The following KCTD2 variants were observed in gnomAD, a reference collection of about 807,000 sequenced individuals.
KCTD2 encodes potassium channel tetramerization domain containing 2.
A neutral mutation model predicts 27.9 loss-of-function variants in KCTD2; 18 were observed. The observed-to-expected ratio is 0.64, with a 90% CI of 0.45 to 0.96. The LOEUF (loss-of-function observed/expected upper bound fraction) is 0.96, where lower values mean the gene tolerates loss of function less well. Among genes scored for constraint, KCTD2 ranks in the 40% least tolerant of loss-of-function variants. The pLI is 0.00. For synonymous variants in KCTD2, 175 were observed against 148.4 expected, an observed-to-expected ratio of 1.18 and a Z score of -1.30; for missense variants, 280 against 348.0, an observed-to-expected ratio of 0.80 and a Z score of 1.56.
intron 3 of KCTD2, among the ~76,000 whole-genome samples, chr17:75,055,811 A>C (rs1028766331): frequency 2.6e-5 from 4 of 151,820 alleles, no homozygotes; most frequent in African/African-American, 9.7e-5. Context: ...CAGCCTGGGC[A>C]ACAGGAGCGA....
chr17:75,050,648 T>G (rs1482177896), intron 2 of KCTD2, among the ~76,000 whole-genome samples: 1 of 152,230 alleles, frequency 6.6e-6, no homozygotes, highest in East Asian at 1.9e-4. Flanking sequence ...TTATCCTTTG[T>G]GATACAAAAA....
chr17:75,033,230 A>T (rs1182350588), intron 1 of KCTD2: 1 of 151,994 alleles, frequency 6.6e-6, no homozygotes, highest in African/African-American at 2.4e-5. Flanking sequence ...CACCCTCCCA[A>T]AGTGCTGGGA....
intron 3 of KCTD2, among the ~76,000 whole-genome samples, chr17:75,056,938 T>TTTTTTTC (rs1346068940): frequency 2.1e-5 from 3 of 145,930 alleles, no homozygotes; most frequent in African/African-American, 5.1e-5. Flanking sequence ...TCTGTTTCTT[T>TTTTTTTC]TTTTTTCTTT....
rs1203640937 is a variant in KCTD2, at chr17:75,047,386, C to T, written c.136C>T (p.Arg46Cys). The change falls in exon 1 of 6, where the codon CGC becomes TGC. Residue 46 changes from arginine (R) to cysteine (C), a missense_variant. By Grantham distance (180) the Arg-to-Cys change is radical. Coordinates refer to ENST00000322444, the MANE Select transcript of KCTD2 (RefSeq NM_015353.3). Reference protein sequence around the residue: ...PAGPTPRGHGRPAAAVAQPLE... With the variant: ...PAGPTPRGHGCPAAAVAQPLE... ...TGGCCCCACGCCCCGCGGGCACGGC[C>T]GCCCGGCTGCCGCCGTCGCGCAGCC... The T allele has an allele frequency of 1.8e-6, 2 of 1,140,600 alleles. No individual in the cohort carries two copies. The highest frequency in any genetic ancestry group is 2.1e-6 in the Non-Finnish European group (2 of 930,818). The allele number at this position is 1,140,600 out of a possible 1,614,324, so 70.7% of individuals were successfully genotyped here.
In KCTD2 at chr17:75,059,623, G is replaced by A. The variant is rs1244626860; in HGVS notation, c.636+18G>A. On this transcript the variant is annotated intron_variant, in intron 4 of 5. Coordinates refer to ENST00000322444, the MANE Select transcript of KCTD2 (RefSeq NM_015353.3). The stretch of plus-strand genomic sequence containing the variant: ...TCGAACAGGTACATCTCTTAACAGA[G>A]CAGCAATCCCAGGCCCCGTTCAAGG... 1.3e-6 allele frequency: 2 copies of A among 1,598,548 alleles called. No individual in the cohort carries two copies. The highest frequency in any genetic ancestry group is 1.7e-4 in the Middle Eastern group (1 of 6,010).
At position 75,065,388 on chromosome 17, in the gene KCTD2, C is replaced by T. The variant is rs879608754; in HGVS notation, c.*2341C>T. The stretch of plus-strand genomic sequence containing the variant: ...TGTGCCCTCTGAGTGTCTGGCTGAT[C>T]ACATCAGAGAGGTCTGCGTGGCAGT... On this transcript the variant is annotated 3_prime_UTR_variant, in exon 6 of 6. Transcript: ENST00000322444. 2 of 152,174 alleles carry T rather than the reference C, an allele frequency of 1.3e-5. No homozygotes were observed. The highest frequency in any genetic ancestry group is 2.9e-5 in the Non-Finnish European group (2 of 68,038). The allele number at this position is 152,174 out of a possible 1,614,324, so 9.4% of individuals were successfully genotyped here.
At chr17:75,050,057 G>A (rs552572731) in intron 2 of KCTD2, among the ~76,000 whole-genome samples, 154 of 152,318 alleles carry the variant, frequency 1.0e-3, no homozygotes, top group African/African-American at 3.6e-3. Flanking sequence ...GTTTCAGCTA[G>A]TAGAAAGAGG....
intron 3 of KCTD2, among the ~76,000 whole-genome samples, chr17:75,053,424 T>C (rs1481907556): frequency 6.6e-6 from 1 of 151,714 alleles, no homozygotes; most frequent in African/African-American, 2.4e-5. Flanking sequence ...ATAGAGGTCT[T>C]GGTTGCACCC....
At chr17:75,047,704 C>T in intron 1 of KCTD2, 115 bp downstream of exon 1, 1 of 975,602 alleles carries the variant, frequency 1.0e-6, no homozygotes, top group Non-Finnish European at 1.5e-6. Context: ...GGCCGGGACC[C>T]CATCCTCCCC....
At chr17:75,042,305 G>A, upstream of KCTD2, 2 of 1,609,776 alleles carry the variant, frequency 1.2e-6, no homozygotes, top group Non-Finnish European at 1.7e-6. Flanking sequence ...CAAAAGTTAG[G>A]ATTGTTCATA....
chr17:75,061,461 C>T (rs370351086), intron 4 of KCTD2, among the ~76,000 whole-genome samples: 2 of 152,124 alleles, frequency 1.3e-5, no homozygotes, highest in East Asian at 3.8e-4. Context: ...GCCTGGGCAA[C>T]ATAGCGAGAC....
At chr17:75,037,006 TCTC>T (rs2073108869) in intron 3 of KCTD2, among the ~76,000 whole-genome samples, 1 of 152,064 alleles carries the variant, frequency 6.6e-6, no homozygotes, top group Admixed American at 6.5e-5. Flanking sequence ...TACGCTGATT[TCTC>T]GAGGGTTGTC....
intron 4 of KCTD2, 96 bp from the exon 5 acceptor site, chr17:75,062,019 ATAACT>A (rs2073408617): frequency 5.8e-6 from 8 of 1,376,424 alleles, no homozygotes; most frequent in Non-Finnish European, 8.2e-6. Flanking sequence ...TAAACCTTTG[ATAACT>A]TAAAAGTTCA....
chr17:75,043,194 C>T (rs573573317), upstream of KCTD2, among the ~76,000 whole-genome samples: 38 of 152,308 alleles, frequency 2.5e-4, no homozygotes, highest in Non-Finnish European at 4.1e-4. Context: ...GCACCCTAGC[C>T]TGGGCAACAC....
At chr17:75,039,666 G>T in intron 3 of KCTD2, 2 of 273,402 alleles carry the variant, frequency 7.3e-6, no homozygotes, top group Non-Finnish European at 1.4e-5. Flanking sequence ...TTAGGTATTT[G>T]AATACTACTT....
At chr17:75,051,221 G>A (rs537953537) in intron 2 of KCTD2, among the ~76,000 whole-genome samples, 3 of 147,186 alleles carry the variant, frequency 2.0e-5, no homozygotes, top group South Asian at 2.2e-4. Context: ...CTTGTGATCT[G>A]CCTGCCTCAG....
intron 3 of KCTD2, among the ~76,000 whole-genome samples, chr17:75,055,380 T>C (rs1467862177): frequency 1.3e-4 from 20 of 151,524 alleles, no homozygotes. Context: ...AAGTAAAAAA[T>C]AATGCCTTGG....
intron 3 of KCTD2, among the ~76,000 whole-genome samples, chr17:75,055,626 G>A (rs1429876473): frequency 1.3e-5 from 2 of 151,792 alleles, no homozygotes; most frequent in Admixed American, 6.6e-5. Flanking sequence ...CTGAGGTCAG[G>A]AGTTCAAGAC....
chr17:75,047,348 G>T lies in KCTD2; in HGVS notation c.98G>T (p.Ser33Ile). 1 of 1,145,828 alleles carries T rather than the reference G, an allele frequency of 8.7e-7. No individual in the cohort carries two copies. Among genetic ancestry groups the T allele is most frequent in the South Asian group, 4.2e-5 (1 of 23,616 alleles). The allele number at this position is 1,145,828 out of a possible 1,614,324, so 71.0% of individuals were successfully genotyped here. The change falls in exon 1 of 6, where the codon AGC becomes ATC. Residue 33 changes from serine (S) to isoleucine (I), a missense_variant. Transcript: ENST00000322444. Reference protein sequence around the residue: ...DGGGPVRGPPSPRPAGPTPRG... With the variant: ...DGGGPVRGPPIPRPAGPTPRG... ...GGTGGCCCAGTCCGCGGGCCCCCCA[G>T]CCCACGCCCGGCTGGCCCCACGCCC...
Sources: gnomAD v4.1 joint callset for allele counts (sites outside exome capture counted in the v4.1 genomes callset) on GRCh38, gnomAD v4.1.1 for gene constraint, MANE v1.5 for transcripts, NCBI Gene and HGNC (gene_info 2026-07-23, HGNC 2026-07-21) for gene names.